The following DPP6 variants were observed in gnomAD, a reference collection of about 807,000 sequenced individuals.
DPP6 encodes the protein dipeptidyl peptidase like 6.
In DPP6, 69 loss-of-function variants were observed where a neutral mutation model predicts 122.6. The ratio of observed to expected loss-of-function variants is 0.56; its 90% CI spans 0.46 to 0.69. DPP6 has a LOEUF of 0.69. DPP6 is among the 30% of genes least tolerant of loss of function. The probability of loss-of-function intolerance (pLI) is 0.00; values close to 1 mark genes in which losing one functional copy is unlikely to be tolerated. For synonymous variants in DPP6, 418 were observed against 433.1 expected, an observed-to-expected ratio of 0.97 and a Z score of 0.43; for missense variants, 928 against 1,116.9, an observed-to-expected ratio of 0.83 and a Z score of 2.41.
chr7:154,081,237 A>T (rs1232733949), intron 1 of DPP6, among the ~76,000 whole-genome samples: 3 of 150,568 alleles, frequency 2.0e-5, no homozygotes, highest in African/African-American at 7.3e-5. Flanking sequence ...TCTGTGGGGG[A>T]TGAGTGTGCT....
chr7:154,872,752 T>C (rs764705567), intron 19 of DPP6, 59 bp downstream of exon 19: 17 of 1,556,584 alleles, frequency 1.1e-5, no homozygotes, highest in Non-Finnish European at 1.4e-5. Flanking sequence ...GTGACACCCA[T>C]GATAAAGGAA....
chr7:154,099,485 G>A (rs577096905), intron 1 of DPP6, among the ~76,000 whole-genome samples: 1 of 152,236 alleles, frequency 6.6e-6, no homozygotes, highest in South Asian at 2.1e-4. Context: ...CAGGGAAATG[G>A]CTTAAAATTA....
At chr7:154,212,032 G>A (rs1359476700) in intron 1 of DPP6, among the ~76,000 whole-genome samples, 1 of 152,156 alleles carries the variant, frequency 6.6e-6, no homozygotes, top group Non-Finnish European at 1.5e-5. Flanking sequence ...GGACAGGCAG[G>A]TATTCTTCAC....
At chr7:154,841,769 G>A (rs909184919) in intron 16 of DPP6, among the ~76,000 whole-genome samples, 13 of 151,684 alleles carry the variant, frequency 8.6e-5, no homozygotes, top group African/African-American at 2.9e-4. Flanking sequence ...GGCCCCCCTC[G>A]AGCCGCGCTC....
chr7:154,462,584 T>A (rs1185936986), intron 2 of DPP6, among the ~76,000 whole-genome samples: 1 of 152,196 alleles, frequency 6.6e-6, no homozygotes, highest in Non-Finnish European at 1.5e-5. Flanking sequence ...ACTTCTTTAG[T>A]AAGGTTAATT....
At position 154,795,942 on chromosome 7, in the gene DPP6, G is replaced by A. The variant is rs949746707; in HGVS notation, c.1299+59G>A. 3 of 1,566,592 alleles carry A rather than the reference G, an allele frequency of 1.9e-6. No individual in the cohort carries two copies. The East Asian group carries it at 6.8e-5, about 36-fold the overall frequency. On this transcript the variant is annotated intron_variant, in intron 12 of 25. Transcript: ENST00000377770. ...CTCCACCTGATCCACCCCAGGGCTG[G>A]CCCTCAGAGCTTCGACAACAGCAGA...
intron 1 of DPP6, among the ~76,000 whole-genome samples, chr7:154,127,595 T>TCACACACA (rs1491450106): frequency 1.7e-5 from 1 of 57,708 alleles, no homozygotes; most frequent in Admixed American, 1.4e-4. Context: ...AGGAGCAGCA[T>TCACACACA]CTCACACACA....
intron 1 of DPP6, among the ~76,000 whole-genome samples, chr7:153,900,056 G>A (rs1211511994): frequency 3.3e-5 from 5 of 152,184 alleles, no homozygotes; most frequent in Non-Finnish European, 7.3e-5. Context: ...GGGAGCTTTA[G>A]AAGAACAAAA....
At chr7:154,545,807 G>C (rs1829138530) in intron 4 of DPP6, among the ~76,000 whole-genome samples, 1 of 152,158 alleles carries the variant, frequency 6.6e-6, no homozygotes, top group Admixed American at 6.5e-5. Context: ...CACTGATAGT[G>C]CTATGGATGT....
At chr7:154,835,679 C>G (rs1221324322) in intron 16 of DPP6, among the ~76,000 whole-genome samples, 1 of 152,198 alleles carries the variant, frequency 6.6e-6, no homozygotes, top group African/African-American at 2.4e-5. Flanking sequence ...CCCGTGTCCA[C>G]TTTAACAAGC....
chr7:153,921,867 C>T (rs183554310), intron 1 of DPP6, among the ~76,000 whole-genome samples: 42 of 152,314 alleles, frequency 2.8e-4, no homozygotes, highest in Admixed American at 1.3e-3. Context: ...ATCTGCAAGG[C>T]GAGAAAGTTA....
intron 1 of DPP6, among the ~76,000 whole-genome samples, chr7:154,307,040 A>C (rs1189126667): frequency 6.6e-6 from 1 of 152,180 alleles, no homozygotes; most frequent in Non-Finnish European, 1.5e-5. Context: ...AGCATCCCTG[A>C]CCATGGGAGA....
intron 1 of DPP6, among the ~76,000 whole-genome samples, chr7:154,443,020 C>T (rs1325176944): frequency 6.6e-6 from 1 of 152,172 alleles, no homozygotes; most frequent in Non-Finnish European, 1.5e-5. Flanking sequence ...CTGCACCTGG[C>T]CCTCAGGCTC....
At position 154,545,473 on chromosome 7, in the gene DPP6, TTCCTTCCTTCCTTCCTTCCTTCCA is replaced by T. The variant is rs1341486109; in HGVS notation, c.552+4871_552+4894del. 6.6e-5 allele frequency among the ~76,000 whole-genome samples: 6 copies of T among 90,642 alleles called. No individual in the cohort carries two copies. In the East Asian group the frequency reaches 2.4e-3, roughly 36 times the overall value. The allele number at this position is 90,642 out of a possible 152,430, so 59.5% of individuals were successfully genotyped here. On this transcript the variant is annotated intron_variant, in intron 4 of 25. Transcript: ENST00000377770. ...CTTCACTCCTCCCTCCCTCCCTCCC[TTCCTTCCTTCCTTCCTTCCTTCCA>T]TCCTTCCTTCCTTCCTTCCTTCCTT...
chr7:154,375,057 G>A (rs1297544367), intron 1 of DPP6, among the ~76,000 whole-genome samples: 6 of 152,168 alleles, frequency 3.9e-5, no homozygotes, highest in East Asian at 1.9e-4. Context: ...CTTGCAAACC[G>A]TGAACCCATC....
intron 1 of DPP6, among the ~76,000 whole-genome samples, chr7:154,149,613 T>C (rs1796309459): frequency 6.6e-6 from 1 of 150,958 alleles, no homozygotes; most frequent in South Asian, 2.1e-4. Flanking sequence ...AAAGTCATAT[T>C]TAAGACTTGA....
At chr7:153,977,723 C>A (rs1796381034) in intron 1 of DPP6, among the ~76,000 whole-genome samples, 1 of 151,994 alleles carries the variant, frequency 6.6e-6, no homozygotes, top group African/African-American at 2.4e-5. Context: ...CCACCCCCGA[C>A]AGACCCCAGT....
At chr7:153,896,408 T>C (rs1799416742) in intron 1 of DPP6, among the ~76,000 whole-genome samples, 1 of 152,240 alleles carries the variant, frequency 6.6e-6, no homozygotes. Flanking sequence ...TTAATAATTT[T>C]CAAGCCTAAA....
intron 2 of DPP6, among the ~76,000 whole-genome samples, chr7:154,473,508 C>T (rs1248021336): frequency 1.3e-5 from 2 of 152,150 alleles, no homozygotes; most frequent in Admixed American, 1.3e-4. Context: ...GAATACATGA[C>T]TTTTCTGACA....
Sources: allele counts gnomAD v4.1 joint callset (sites outside exome capture counted in the v4.1 genomes callset), GRCh38; gene constraint gnomAD v4.1.1; transcripts MANE v1.5; gene names NCBI Gene and HGNC (gene_info 2026-07-23, HGNC 2026-07-21).